CNTNAP4: variants seen among roughly 807,000 people sequenced by gnomAD.
CNTNAP4 encodes the protein contactin-associated protein-like 4.
A neutral mutation model predicts 148.4 loss-of-function variants in CNTNAP4; 98 were observed. That is an observed-to-expected ratio of 0.66 (90% CI 0.56 to 0.78). The LOEUF is 0.78. Among genes scored for constraint, CNTNAP4 ranks in the 30% least tolerant of loss-of-function variants. The probability of loss-of-function intolerance (pLI) is 0.00; values close to 1 mark genes in which losing one functional copy is unlikely to be tolerated. For synonymous variants in CNTNAP4, 730 were observed against 565.1 expected (o/e 1.29, Z -4.14); for missense variants, 1,935 against 1,565.6 (o/e 1.24, Z -3.98).
In CNTNAP4 at chr16:76,507,230, A is replaced by G. The variant is rs1425384339; in HGVS notation, c.2365+8536A>G. ...TATCCTTTGTGTTACAAATAATCTA[A>G]TTATACTATTTTTGTTATTTTAAAA... On this transcript the variant is annotated intron_variant, in intron 15 of 23. Coordinates refer to ENST00000611870, the MANE Select transcript of CNTNAP4 (RefSeq NM_033401.5). Among the ~76,000 whole-genome samples the G allele has an allele frequency of 2.1e-5, 2 of 97,214 alleles. 1 individual carries two copies. The highest frequency in any genetic ancestry group is 5.1e-5 in the African/African-American group (2 of 38,920). The allele number at this position is 97,214 out of a possible 152,430, so 63.8% of individuals were successfully genotyped here. A position where few individuals can be genotyped will look rare whatever the true frequency, so the allele number is the denominator to read the frequency against.
chr16:76,472,722 T>C (rs13335897), intron 10 of CNTNAP4, among the ~76,000 whole-genome samples: 61,042 of 152,118 alleles, frequency 0.4, 13,003 homozygotes, highest in South Asian at 0.55. Flanking sequence ...GAATACGACA[T>C]GTTCTTACTT....
intron 2 of CNTNAP4, among the ~76,000 whole-genome samples, chr16:76,348,646 A>G (rs939086604): frequency 3.9e-5 from 6 of 152,174 alleles, no homozygotes; most frequent in African/African-American, 1.4e-4. Context: ...CTAGTATCAA[A>G]CGCCACAGAT....
intron 15 of CNTNAP4, among the ~76,000 whole-genome samples, chr16:76,501,930 G>A (rs1040197021): frequency 9.9e-5 from 15 of 151,538 alleles, no homozygotes; most frequent in Admixed American, 2.0e-4. Flanking sequence ...TTAGCCGGGC[G>A]TAGTGGCGGG....
At chr16:76,497,243 G>C (rs568610745) in intron 14 of CNTNAP4, among the ~76,000 whole-genome samples, 2 of 152,222 alleles carry the variant, frequency 1.3e-5, no homozygotes, top group East Asian at 1.9e-4. Context: ...TACAGCAATA[G>C]ATAAAAGAAT....
At chr16:76,379,733 A>G (rs753078182) in intron 3 of CNTNAP4, among the ~76,000 whole-genome samples, 2 of 152,218 alleles carry the variant, frequency 1.3e-5, no homozygotes, top group Admixed American at 1.3e-4. Flanking sequence ...TTAGGTGTAC[A>G]CATCAGTTTC....
At chr16:76,362,855 C>T (rs891186424) in intron 3 of CNTNAP4, among the ~76,000 whole-genome samples, 1 of 152,112 alleles carries the variant, frequency 6.6e-6, no homozygotes, top group East Asian at 1.9e-4. Context: ...CTGTGACATA[C>T]AATTTGCCTA....
At chr16:76,461,221 A>G (rs1334452088) in intron 8 of CNTNAP4, among the ~76,000 whole-genome samples, 1 of 152,170 alleles carries the variant, frequency 6.6e-6, no homozygotes, top group African/African-American at 2.4e-5. Flanking sequence ...ATTTAAAGAA[A>G]ACATTATTTA....
intron 3 of CNTNAP4, among the ~76,000 whole-genome samples, chr16:76,424,650 T>C (rs2079315729): frequency 6.6e-6 from 1 of 151,998 alleles, no homozygotes. Flanking sequence ...TCCCAGCTAC[T>C]TGGGAGGCTG....
In CNTNAP4 at chr16:76,380,118, T is replaced by C. The variant is rs574797234; in HGVS notation, c.390+24607T>C. ...TTGTAGTATTTCAAGATATTAGAGTTCAATTATGCTGGAAAATGTGTTCAT... is the reference window on the plus strand; with the variant it reads ...TTGTAGTATTTCAAGATATTAGAGTCCAATTATGCTGGAAAATGTGTTCAT... On this transcript the variant is annotated intron_variant, in intron 3 of 23. Transcript: ENST00000611870. Among the ~76,000 whole-genome samples, 3 of 152,338 alleles carry C rather than the reference T, an allele frequency of 2.0e-5. No individual in the cohort carries two copies. The South Asian group carries it at 6.2e-4, about 32-fold the overall frequency.
intron 3 of CNTNAP4, among the ~76,000 whole-genome samples, chr16:76,413,356 G>A (rs1016809322): frequency 2.6e-5 from 4 of 151,078 alleles, no homozygotes. Flanking sequence ...GTTTTCCAAT[G>A]TGGATATCCA....
At chr16:76,394,865 C>T (rs559226048) in intron 3 of CNTNAP4, among the ~76,000 whole-genome samples, 21 of 152,168 alleles carry the variant, frequency 1.4e-4, no homozygotes, top group African/African-American at 4.6e-4. Flanking sequence ...TGAAATCATC[C>T]TTTTATGTCT....
chr16:76,321,056 C>T (rs1233776730), intron 2 of CNTNAP4, among the ~76,000 whole-genome samples: 1 of 152,126 alleles, frequency 6.6e-6, no homozygotes, highest in Non-Finnish European at 1.5e-5. Flanking sequence ...GGATATTTGT[C>T]TATCATAATA....
chr16:76,317,110 T>A (rs376292935), intron 2 of CNTNAP4, among the ~76,000 whole-genome samples: 1 of 151,420 alleles, frequency 6.6e-6, no homozygotes, highest in Admixed American at 6.6e-5. Flanking sequence ...TACAAAATAA[T>A]AAAAATAAAT....
At chr16:76,392,324 G>A (rs1216740247) in intron 3 of CNTNAP4, among the ~76,000 whole-genome samples, 3 of 152,130 alleles carry the variant, frequency 2.0e-5, no homozygotes, top group South Asian at 2.1e-4. Context: ...GGAGAGTTAC[G>A]TTAGGAAAAT....
chr16:76,337,992 C>G (rs1317086280), intron 2 of CNTNAP4, among the ~76,000 whole-genome samples: 1 of 152,180 alleles, frequency 6.6e-6, no homozygotes, highest in Non-Finnish European at 1.5e-5. Context: ...ATTGTTCAAA[C>G]ACACATGTTT....
chr16:76,313,118 G>A (rs1333859805), intron 1 of CNTNAP4, among the ~76,000 whole-genome samples: 1 of 152,018 alleles, frequency 6.6e-6, no homozygotes, highest in Non-Finnish European at 1.5e-5. Flanking sequence ...AATGTAAAAA[G>A]TTCCCCTTCT....
chr16:76,506,811 G>A lies in CNTNAP4; in HGVS notation c.2365+8117G>A, dbSNP rs184500025. Among the ~76,000 whole-genome samples the A allele has an allele frequency of 2.3e-3, 221 of 95,262 alleles. 83 individuals are homozygous for A. The highest frequency in any genetic ancestry group is 5.4e-3 in the Non-Finnish European group (181 of 33,614). 62.5% of individuals were successfully genotyped at this position (95,262 alleles called of 152,430 possible). A position where few individuals can be genotyped will look rare whatever the true frequency, so the allele number is the denominator to read the frequency against. The stretch of plus-strand genomic sequence containing the variant: ...TAACAGGCTTCCACATGCTGCTGCC[G>A]GTCCATGGACCACTCCATGTAGTGC... On this transcript the variant is annotated intron_variant, in intron 15 of 23. Coordinates refer to ENST00000611870, the MANE Select transcript of CNTNAP4 (RefSeq NM_033401.5).
chr16:76,319,222 T>C (rs1239269204), intron 2 of CNTNAP4, among the ~76,000 whole-genome samples: 1 of 152,126 alleles, frequency 6.6e-6, no homozygotes, highest in Non-Finnish European at 1.5e-5. Flanking sequence ...AAACTCTGTC[T>C]CTACTACAGA....
intron 4 of CNTNAP4, among the ~76,000 whole-genome samples, chr16:76,442,678 A>T (rs1054885892): frequency 7.9e-5 from 12 of 152,226 alleles, no homozygotes; most frequent in African/African-American, 2.6e-4. Context: ...ATCCATTCTC[A>T]TGAGAACTAA....
Sources: allele counts gnomAD v4.1 joint callset (sites outside exome capture counted in the v4.1 genomes callset), GRCh38; gene constraint gnomAD v4.1.1; transcripts MANE v1.5; gene names NCBI Gene and HGNC (gene_info 2026-07-23, HGNC 2026-07-21).